FILIP1L: variants seen among roughly 807,000 people sequenced by gnomAD.
FILIP1L encodes filamin A interacting protein 1 like.
Under a neutral mutation model 96.6 loss-of-function variants are expected in FILIP1L, and 55 were observed. That is an observed-to-expected ratio of 0.57 (90% CI 0.46 to 0.71). The LOEUF is 0.71. Among genes scored for constraint, FILIP1L ranks in the 30% least tolerant of loss-of-function variants. The pLI, the probability that FILIP1L is intolerant of heterozygous loss-of-function variation, is 0.00. For missense variants in FILIP1L, 1,304 were observed against 1,321.2 expected (o/e 0.99, Z 0.20); for synonymous variants, 467 against 473.9 (o/e 0.99, Z 0.19).
chr3:99,845,300 A>T (rs1417584837), intron 5 of FILIP1L, among the ~76,000 whole-genome samples: 1 of 152,220 alleles, frequency 6.6e-6, no homozygotes, highest in Non-Finnish European at 1.5e-5. Context: ...TGATAAAATC[A>T]TTCGAATCTG....
At chr3:100,051,821 AAAAAC>A (rs2065378986) in intron 1 of FILIP1L, among the ~76,000 whole-genome samples, 1 of 150,124 alleles carries the variant, frequency 6.7e-6, no homozygotes, top group South Asian at 2.1e-4. Context: ...TTATATTTCT[AAAAAC>A]AAACATTTTA....
At chr3:99,962,626 TAAC>T (rs917714874) in intron 1 of FILIP1L, among the ~76,000 whole-genome samples, 2 of 152,126 alleles carry the variant, frequency 1.3e-5, no homozygotes, top group African/African-American at 2.4e-5. Flanking sequence ...TAATTAATAA[TAAC>T]AACAACAACA....
At chr3:99,884,588 G>A (rs952613372) in intron 4 of FILIP1L, among the ~76,000 whole-genome samples, 1 of 152,096 alleles carries the variant, frequency 6.6e-6, no homozygotes, top group Non-Finnish European at 1.5e-5. Context: ...CCACTTTATG[G>A]GATTCTGTAG....
chr3:99,931,536 G>GA (rs754131229), intron 1 of FILIP1L, among the ~76,000 whole-genome samples: 2 of 152,122 alleles, frequency 1.3e-5, no homozygotes, highest in African/African-American at 2.4e-5. Flanking sequence ...CATTAGGACA[G>GA]AAATGGCAGA....
chr3:100,078,514 G>A (rs771089556), intron 1 of FILIP1L, among the ~76,000 whole-genome samples: 4 of 151,984 alleles, frequency 2.6e-5, no homozygotes, highest in Non-Finnish European at 4.4e-5. Flanking sequence ...CCAATCTTTG[G>A]CTTCCCTGGG....
chr3:99,872,680 A>C (rs549133144), intron 4 of FILIP1L, among the ~76,000 whole-genome samples: 1 of 152,134 alleles, frequency 6.6e-6, no homozygotes, highest in Non-Finnish European at 1.5e-5. Flanking sequence ...GAGGACGGTC[A>C]GACTGGAAAA....
At chr3:99,869,751 T>A (rs539658390) in intron 4 of FILIP1L, among the ~76,000 whole-genome samples, 3 of 152,232 alleles carry the variant, frequency 2.0e-5, no homozygotes. Context: ...CTCAGAGATT[T>A]GTTTTTGTTT....
At chr3:100,095,122 A>T (rs369116808) in intron 1 of FILIP1L, among the ~76,000 whole-genome samples, 111 of 152,274 alleles carry the variant, frequency 7.3e-4, no homozygotes, top group African/African-American at 2.6e-3. Context: ...CAGTACATAC[A>T]GTCTTGATTA....
At chr3:99,994,403 A>G (rs1417004174) in intron 1 of FILIP1L, among the ~76,000 whole-genome samples, 1 of 152,244 alleles carries the variant, frequency 6.6e-6, no homozygotes, top group Non-Finnish European at 1.5e-5. Flanking sequence ...GACATTTACA[A>G]CAACATTCTT....
At chr3:99,959,776 A>G (rs1229425634) in intron 1 of FILIP1L, among the ~76,000 whole-genome samples, 1 of 152,218 alleles carries the variant, frequency 6.6e-6, no homozygotes, top group African/African-American at 2.4e-5. Context: ...ATAATTGTAT[A>G]GAAAACAATT....
chr3:99,889,921 A>C (rs963019782), intron 4 of FILIP1L, among the ~76,000 whole-genome samples: 1 of 152,100 alleles, frequency 6.6e-6, no homozygotes, highest in Non-Finnish European at 1.5e-5. Flanking sequence ...ATTATAATCT[A>C]TTATTGTTCT....
Position 99,848,383 on chromosome 3 carries a change from C to G in FILIP1L, c.3293G>C (p.Gly1098Ala). 1 of 1,614,050 alleles carries G rather than the reference C, an allele frequency of 6.2e-7. No homozygotes were observed. Among genetic ancestry groups the G allele is most frequent in the Non-Finnish European group, 8.5e-7 (1 of 1,179,978 alleles). The change falls in exon 5 of 6, where the codon GGG becomes GCG. Residue 1098 changes from glycine (G) to alanine (A), a missense_variant. Physicochemically the swap from Gly to Ala is moderately conservative, Grantham distance 60. Transcript: ENST00000477258. ...QDNRTQGLINGALNKTTNKVT... is the reference protein window; with the variant it reads ...QDNRTQGLINAALNKTTNKVT... ...TTTATTGGTTGTTTTGTTTAGTGCC[C>G]CGTTAATTAAGCCTTGAGTTCGGTT...
chr3:99,944,270 T>G (rs940968873), intron 1 of FILIP1L, among the ~76,000 whole-genome samples: 16 of 152,162 alleles, frequency 1.1e-4, no homozygotes, highest in African/African-American at 3.9e-4. Context: ...AACCAGTGCT[T>G]GTTGTTTAGT....
At chr3:99,888,821 G>C (rs1705993472) in intron 4 of FILIP1L, among the ~76,000 whole-genome samples, 1 of 152,066 alleles carries the variant, frequency 6.6e-6, no homozygotes, top group Non-Finnish European at 1.5e-5. Flanking sequence ...AAATAACTCT[G>C]CTAAGAACTT....
rs762519590 is a variant in FILIP1L at position 99,848,793 on chromosome 3, G to A, written c.2883C>T (p.Thr961=). 6 of 1,614,048 alleles carry A rather than the reference G, an allele frequency of 3.7e-6. No homozygotes were observed. The highest frequency in any genetic ancestry group is 5.1e-6 in the Non-Finnish European group (6 of 1,180,036). The change falls in exon 5 of 6, where the codon ACC becomes ACT. Residue 961 remains threonine (T), a synonymous_variant. Transcript: ENST00000477258. ...NASITPVKSK[T]STEDLMNLEQ... Reference sequence around the variant, plus strand: ...CTAAATTCATGAGGTCTTCGGTAGAGGTTTTGGACTTTACTGGTGTTATGG... The same window carrying A: ...CTAAATTCATGAGGTCTTCGGTAGAAGTTTTGGACTTTACTGGTGTTATGG...
intron 1 of FILIP1L, among the ~76,000 whole-genome samples, chr3:99,956,057 G>T (rs1204930745): frequency 6.6e-6 from 1 of 152,148 alleles, no homozygotes; most frequent in Admixed American, 6.5e-5. Flanking sequence ...TGACTGACAC[G>T]TTTTTAAGTT....
chr3:100,111,928 A>G (rs79969160), intron 1 of FILIP1L, among the ~76,000 whole-genome samples: 6,530 of 152,286 alleles, frequency 0.043, 242 homozygotes, highest in East Asian at 0.17. Context: ...CACAGATTCA[A>G]ATCACTAGTA....
At chr3:99,851,381 G>T (rs1179241381) in intron 4 of FILIP1L, among the ~76,000 whole-genome samples, 3 of 152,156 alleles carry the variant, frequency 2.0e-5, no homozygotes, top group African/African-American at 7.2e-5. Context: ...TGGCCTGAAG[G>T]CTGTGAAAAT....
rs79719015 is a variant in FILIP1L at position 100,047,647 on chromosome 3, G to A, written c.-11+66406C>T. ...AACTGCAGGTGTCTGTCAAGAGACA[G>A]TAGAGTTTTGTCCTTCTGGAAGCCT... On this transcript the variant is annotated intron_variant, in intron 1 of 5. Coordinates refer to ENST00000477258, the MANE Select transcript of FILIP1L (RefSeq NM_001387850.1). Among the ~76,000 whole-genome samples, 79 of 152,324 alleles carry A rather than the reference G, an allele frequency of 5.2e-4. 1 individual carries two copies. In the East Asian group the frequency reaches 0.013, roughly 25 times the overall value.
Sources: allele counts gnomAD v4.1 joint callset (sites outside exome capture counted in the v4.1 genomes callset), GRCh38; gene constraint gnomAD v4.1.1; transcripts MANE v1.5; gene names NCBI Gene and HGNC (gene_info 2026-07-23, HGNC 2026-07-21).